The following MAPK10 variants were observed in gnomAD, a reference collection of about 807,000 sequenced individuals.
The protein encoded by MAPK10 is mitogen-activated protein kinase 10, also known as JNK3 alpha protein kinase.
Under a neutral mutation model 59.3 loss-of-function variants are expected in MAPK10, and 25 were observed. That is an observed-to-expected ratio of 0.42 (90% CI 0.31 to 0.59). MAPK10 has a LOEUF of 0.59. Ranked by LOEUF, MAPK10 falls within the 20% of genes least tolerant of loss-of-function variation. The pLI is 0.15. For synonymous variants in MAPK10, 190 were observed against 200.5 expected (o/e 0.95, Z 0.44); for missense variants, 351 against 568.9 (o/e 0.62, Z 3.90).
chr4:86,120,757 C>A (rs901764679), intron 4 of MAPK10, among the ~76,000 whole-genome samples: 1 of 152,076 alleles, frequency 6.6e-6, no homozygotes, highest in African/African-American at 2.4e-5. Context: ...CACAAAGCTG[C>A]CAGGCTGCCA....
chr4:86,509,773 C>T (rs1366826432), intron 1 of MAPK10, among the ~76,000 whole-genome samples: 2 of 152,164 alleles, frequency 1.3e-5, no homozygotes, highest in Non-Finnish European at 2.9e-5. Flanking sequence ...CACTTATCCA[C>T]CTGAACAGGT....
At chr4:86,153,525 AC>A (rs1396109550) in intron 4 of MAPK10, among the ~76,000 whole-genome samples, 2 of 152,216 alleles carry the variant, frequency 1.3e-5, no homozygotes, top group Non-Finnish European at 2.9e-5. Context: ...TATCACATCA[AC>A]AATTAAATAT....
At chr4:86,485,598 A>G (rs917701934) in intron 1 of MAPK10, among the ~76,000 whole-genome samples, 6 of 152,238 alleles carry the variant, frequency 3.9e-5, no homozygotes, top group Admixed American at 3.3e-4. Flanking sequence ...ATGAGTTTCA[A>G]AAGAAGTTCC....
At chr4:86,397,580 G>A (rs1743108215) in intron 1 of MAPK10, among the ~76,000 whole-genome samples, 1 of 152,018 alleles carries the variant, frequency 6.6e-6, no homozygotes, top group Non-Finnish European at 1.5e-5. Flanking sequence ...GAACTCCCAG[G>A]AGTGCTTGTT....
At chr4:86,363,326 T>C (rs1174428659), upstream of MAPK10, among the ~76,000 whole-genome samples, 1 of 152,122 alleles carries the variant, frequency 6.6e-6, no homozygotes, top group Non-Finnish European at 1.5e-5. Context: ...ATCCACTGCT[T>C]TTGGTATGGA....
intron 4 of MAPK10, among the ~76,000 whole-genome samples, chr4:86,145,546 T>C (rs1176181583): frequency 6.6e-6 from 1 of 152,160 alleles, no homozygotes; most frequent in Non-Finnish European, 1.5e-5. Context: ...CCATCCTGCT[T>C]CCTCCGAAAT....
intron 2 of MAPK10, among the ~76,000 whole-genome samples, chr4:86,339,982 A>G (rs1723928557): frequency 6.6e-6 from 1 of 152,250 alleles, no homozygotes; most frequent in South Asian, 2.1e-4. Flanking sequence ...GAATCCACAA[A>G]TTACCTAGGC....
chr4:86,373,181 G>A (rs748870816), intron 1 of MAPK10, among the ~76,000 whole-genome samples: 21 of 152,116 alleles, frequency 1.4e-4, no homozygotes, highest in Non-Finnish European at 2.4e-4. Context: ...TTTAATAAAC[G>A]ACGTTGGGAA....
At chr4:86,288,847 C>A (rs564679142) in intron 2 of MAPK10, among the ~76,000 whole-genome samples, 1 of 151,104 alleles carries the variant, frequency 6.6e-6, no homozygotes, top group Non-Finnish European at 1.5e-5. Context: ...ATCATTCATT[C>A]TACAAATAAT....
At chr4:86,458,834 A>G (rs1751468794) in intron 1 of MAPK10, among the ~76,000 whole-genome samples, 1 of 152,190 alleles carries the variant, frequency 6.6e-6, no homozygotes, top group Non-Finnish European at 1.5e-5. Flanking sequence ...CTTTGGAAAA[A>G]CCCTTCTAGA....
chr4:86,572,515 A>G (rs567681087), intron 1 of MAPK10, among the ~76,000 whole-genome samples: 16 of 152,334 alleles, frequency 1.1e-4, no homozygotes, highest in African/African-American at 3.4e-4. Context: ...CTCCAACACT[A>G]TATGCAAACA....
rs143279169 is a variant in MAPK10 at position 86,568,997 on chromosome 4, C to T, written c.-263+24913G>A. Among the ~76,000 whole-genome samples the T allele has an allele frequency of 6.8e-3, 1,031 of 152,146 alleles. 5 individuals are homozygous for T. The highest frequency in any genetic ancestry group is 0.017 in the Middle Eastern group (5 of 294). Reference sequence around the variant, plus strand: ...TCTGCACAGCAAAACAAACAATCAACGCAGTAAACAGACAACCTACAGAAT... The same window carrying T: ...TCTGCACAGCAAAACAAACAATCAATGCAGTAAACAGACAACCTACAGAAT... On this transcript the variant is annotated intron_variant, in intron 1 of 4. Coordinates refer to the MAPK10 transcript ENST00000502302.
chr4:86,398,968 T>C (rs1025796919), intron 1 of MAPK10, among the ~76,000 whole-genome samples: 2 of 152,220 alleles, frequency 1.3e-5, no homozygotes, highest in African/African-American at 4.8e-5. Flanking sequence ...TAGTATTCCA[T>C]GGTGCATAGG....
intron 4 of MAPK10, among the ~76,000 whole-genome samples, chr4:86,110,061 CT>C (rs2057227464): frequency 6.6e-6 from 1 of 152,024 alleles, no homozygotes; most frequent in Non-Finnish European, 1.5e-5. Flanking sequence ...CCTCTGCCCC[CT>C]TTATATGAGG....
intron 2 of MAPK10, among the ~76,000 whole-genome samples, chr4:86,348,424 T>C (rs989672226): frequency 2.0e-5 from 3 of 152,182 alleles, no homozygotes; most frequent in Admixed American, 2.0e-4. Context: ...AGGCACTCTA[T>C]AAATGTTAGC....
chr4:86,430,165 G>A (rs916149965), intron 1 of MAPK10, among the ~76,000 whole-genome samples: 4 of 152,044 alleles, frequency 2.6e-5, no homozygotes, highest in Admixed American at 6.6e-5. Context: ...GCCCTACTAC[G>A]TACCCATGTA....
intron 1 of MAPK10, among the ~76,000 whole-genome samples, chr4:86,503,780 T>A (rs988142269): frequency 1.4e-4 from 21 of 152,122 alleles, no homozygotes; most frequent in Non-Finnish European, 1.5e-5. Flanking sequence ...AAATTCAAAG[T>A]GCTTATAATG....
intron 4 of MAPK10, among the ~76,000 whole-genome samples, chr4:86,153,467 C>A (rs1167519492): frequency 6.6e-6 from 1 of 152,014 alleles, no homozygotes; most frequent in Non-Finnish European, 1.5e-5. Context: ...ATTCCAAAGC[C>A]AAAAATAATT....
At chr4:86,038,649 A>C (rs1412951081) in intron 11 of MAPK10, among the ~76,000 whole-genome samples, 1 of 152,168 alleles carries the variant, frequency 6.6e-6, no homozygotes, top group Non-Finnish European at 1.5e-5. Flanking sequence ...GATGAAGCAC[A>C]AAATGATATG....
Sources: gnomAD v4.1 joint callset for allele counts (sites outside exome capture counted in the v4.1 genomes callset) on GRCh38, gnomAD v4.1.1 for gene constraint, MANE v1.5 for transcripts, NCBI Gene and HGNC (gene_info 2026-07-23, HGNC 2026-07-21) for gene names.